The following DLG2 variants were observed in gnomAD, a reference collection of about 807,000 sequenced individuals.
DLG2 encodes discs large MAGUK scaffold protein 2.
A neutral mutation model predicts 132.5 loss-of-function variants in DLG2; 45 were observed. That is an observed-to-expected ratio of 0.34 (90% confidence interval 0.27 to 0.44). The LOEUF (loss-of-function observed/expected upper bound fraction) is 0.44. Ranked by LOEUF, DLG2 falls within the 20% of genes least tolerant of loss-of-function variation. The probability of loss-of-function intolerance (pLI) is 1.00; values close to 1 mark genes in which losing one functional copy is unlikely to be tolerated. For missense variants in DLG2, 1,045 were observed against 1,196.9 expected (o/e 0.87, Z 1.87); for synonymous variants, 424 against 419.6 (o/e 1.01, Z -0.13).
chr11:85,395,270 G>A (rs909196210), intron 3 of DLG2, among the ~76,000 whole-genome samples: 4 of 152,208 alleles, frequency 2.6e-5, no homozygotes, highest in Non-Finnish European at 5.9e-5. Flanking sequence ...GATCAAGAAA[G>A]ATAAGAAGCA....
At position 83,661,811 on chromosome 11, in the gene DLG2, A is replaced by G. The variant is rs2074343501; in HGVS notation, c.1826-28486T>C. 1.3e-5 allele frequency among the ~76,000 whole-genome samples: 2 copies of G among 152,298 alleles called. 1 individual carries two copies. The highest frequency in any genetic ancestry group is 3.9e-4 in the East Asian group (2 of 5,184). On this transcript the variant is annotated intron_variant, in intron 18 of 27. Coordinates refer to ENST00000376104, the MANE Select transcript of DLG2 (RefSeq NM_001142699.3). The stretch of plus-strand genomic sequence containing the variant: ...ACACTTCCGACTCAAGACAGAAATC[A>G]AGACATAGTGACCTCCTATTGGGGG...
At chr11:83,967,971 T>A (rs1400183201) in intron 12 of DLG2, among the ~76,000 whole-genome samples, 1 of 152,192 alleles carries the variant, frequency 6.6e-6, no homozygotes, top group South Asian at 2.1e-4. Context: ...TTGAAAAGAC[T>A]AGCCTTTCTT....
At chr11:85,089,791 G>C (rs1246242136) in intron 6 of DLG2, among the ~76,000 whole-genome samples, 1 of 152,108 alleles carries the variant, frequency 6.6e-6, no homozygotes, top group African/African-American at 2.4e-5. Context: ...CTCAAAAGAA[G>C]ATACACAAGC....
chr11:85,604,788 G>A (rs1410219797), intron 2 of DLG2, among the ~76,000 whole-genome samples: 1 of 152,180 alleles, frequency 6.6e-6, no homozygotes, highest in Non-Finnish European at 1.5e-5. Context: ...GTAATCATGT[G>A]TCTGTTAATT....
At chr11:83,646,027 G>A (rs919924554) in intron 18 of DLG2, among the ~76,000 whole-genome samples, 5 of 152,158 alleles carry the variant, frequency 3.3e-5, no homozygotes, top group African/African-American at 9.6e-5. Context: ...CTCAATTTAA[G>A]AAATTATCCT....
intron 6 of DLG2, among the ~76,000 whole-genome samples, chr11:84,734,230 G>A (rs2063529132): frequency 6.6e-6 from 1 of 152,192 alleles, no homozygotes; most frequent in African/African-American, 2.4e-5. Context: ...ACCTTGGGCA[G>A]TATGGCCGTT....
intron 7 of DLG2, among the ~76,000 whole-genome samples, chr11:84,325,551 T>C (rs900974055): frequency 6.6e-6 from 1 of 152,220 alleles, no homozygotes; most frequent in Non-Finnish European, 1.5e-5. Flanking sequence ...ATTTATCCAA[T>C]TGATTAAATT....
At chr11:83,680,873 T>A (rs962739712) in intron 18 of DLG2, among the ~76,000 whole-genome samples, 3 of 134,186 alleles carry the variant, frequency 2.2e-5, no homozygotes, top group Non-Finnish European at 4.9e-5. Context: ...GTAAGCTAAG[T>A]CTTTGGTGAA....
chr11:85,499,164 G>A (rs1044167590), intron 3 of DLG2, among the ~76,000 whole-genome samples: 8 of 151,904 alleles, frequency 5.3e-5, no homozygotes, highest in Non-Finnish European at 7.4e-5. Context: ...TCCTGGAGCT[G>A]GTTTTTTTAA....
At position 85,426,983 on chromosome 11, in the gene DLG2, C is replaced by T. The variant is rs187336058; in HGVS notation, c.41-141618G>A. Among the ~76,000 whole-genome samples the T allele has an allele frequency of 2.9e-3, 434 of 152,250 alleles. 1 individual carries two copies. Among genetic ancestry groups the T allele is most frequent in the African/African-American group, 0.01 (423 of 41,532 alleles). On this transcript the variant is annotated intron_variant, in intron 3 of 27. Transcript: ENST00000376104. ...GCACGAGAAATACGTGATGAATGCA[C>T]AAGCCTCAGTAGCCAATTCGATCAA...
chr11:83,989,754 A>T (rs1272759629), intron 11 of DLG2, among the ~76,000 whole-genome samples: 1 of 152,188 alleles, frequency 6.6e-6, no homozygotes, highest in Admixed American at 6.6e-5. Flanking sequence ...GGCAATCAAA[A>T]CATGTATTTA....
chr11:85,020,092 A>G (rs1228694450), intron 6 of DLG2, among the ~76,000 whole-genome samples: 1 of 152,182 alleles, frequency 6.6e-6, no homozygotes, highest in African/African-American at 2.4e-5. Flanking sequence ...CAACAGTGTA[A>G]AAGTGTTCCT....
chr11:84,544,542 C>T (rs905425632), intron 6 of DLG2, among the ~76,000 whole-genome samples: 31 of 152,208 alleles, frequency 2.0e-4, no homozygotes, highest in African/African-American at 7.5e-4. Flanking sequence ...CCTCTGATTC[C>T]AAGAGGCAGC....
chr11:85,324,382 T>C (rs1185918418), intron 3 of DLG2, among the ~76,000 whole-genome samples: 1 of 152,166 alleles, frequency 6.6e-6, no homozygotes, highest in Non-Finnish European at 1.5e-5. Context: ...ATTATATCCT[T>C]AGCTCTTACT....
At chr11:84,932,066 G>T (rs1213674533) in intron 6 of DLG2, among the ~76,000 whole-genome samples, 1 of 152,088 alleles carries the variant, frequency 6.6e-6, no homozygotes, top group Non-Finnish European at 1.5e-5. Flanking sequence ...CATTCTGTAG[G>T]TTGTCTGTTT....
intron 18 of DLG2, among the ~76,000 whole-genome samples, chr11:83,688,759 A>G (rs2080297658): frequency 6.6e-6 from 1 of 152,190 alleles, no homozygotes; most frequent in Non-Finnish European, 1.5e-5. Flanking sequence ...CAGAAGGAGA[A>G]AGCCTTCCTA....
chr11:84,530,983 C>T (rs1312280285), intron 7 of DLG2, among the ~76,000 whole-genome samples: 2 of 151,932 alleles, frequency 1.3e-5, no homozygotes, highest in Non-Finnish European at 2.9e-5. Context: ...ATCACGAGGT[C>T]AGGAGATCTG....
chr11:83,947,706 C>A (rs1260963174), intron 14 of DLG2, among the ~76,000 whole-genome samples: 1 of 152,162 alleles, frequency 6.6e-6, no homozygotes, highest in African/African-American at 2.4e-5. Flanking sequence ...GTGGCATAGG[C>A]ATGGATGGGG....
chr11:84,455,323 T>G (rs769228981), intron 7 of DLG2, among the ~76,000 whole-genome samples: 1 of 151,448 alleles, frequency 6.6e-6, no homozygotes, highest in Non-Finnish European at 1.5e-5. Context: ...CATAAAGAAT[T>G]TCAGAAATCC....
Sources: allele counts gnomAD v4.1 joint callset (sites outside exome capture counted in the v4.1 genomes callset), GRCh38; gene constraint gnomAD v4.1.1; transcripts MANE v1.5; gene names NCBI Gene and HGNC (gene_info 2026-07-23, HGNC 2026-07-21).